The following RGL1 variants were observed in gnomAD, a reference collection of about 807,000 sequenced individuals.
The protein encoded by RGL1 is ral guanine nucleotide dissociation stimulator like 1.
Under a neutral mutation model 95.2 loss-of-function variants are expected in RGL1, and 24 were observed. That is an observed-to-expected ratio of 0.25 (90% CI 0.18 to 0.35). RGL1 has a LOEUF of 0.35. Ranked by LOEUF, RGL1 falls within the 10% of genes least tolerant of loss-of-function variation. The pLI is 1.00. For missense variants in RGL1, 715 were observed against 936.3 expected (o/e 0.76, Z 3.08); for synonymous variants, 329 against 344.9 (o/e 0.95, Z 0.51).
intron 1 of RGL1, among the ~76,000 whole-genome samples, chr1:183,712,603 G>A (rs1887246): frequency 6.6e-6 from 1 of 152,042 alleles, no homozygotes; most frequent in Admixed American, 6.5e-5. Context: ...GGTTTTGGAG[G>A]CTTGGCATGA....
chr1:183,648,163 C>A (rs143188677), intron 1 of RGL1: 1 of 1,614,068 alleles, frequency 6.2e-7, no homozygotes, highest in Non-Finnish European at 8.5e-7. Context: ...ACATGTGATC[C>A]TGAGACACCA....
chr1:183,811,235 C>A (rs74130638), intron 2 of RGL1, among the ~76,000 whole-genome samples: 8,434 of 152,092 alleles, frequency 0.055, 741 homozygotes, highest in African/African-American at 0.18. Context: ...ACGAACATTC[C>A]CCAGTGCCTT....
intron 1 of RGL1, among the ~76,000 whole-genome samples, chr1:183,643,952 G>C (rs1296380325): frequency 2.0e-5 from 3 of 152,158 alleles, no homozygotes; most frequent in Non-Finnish European, 4.4e-5. Flanking sequence ...TGTTTGGCAT[G>C]AGGTCCTGGG....
chr1:183,698,248 C>T (rs1235765796), intron 1 of RGL1, among the ~76,000 whole-genome samples: 4 of 152,224 alleles, frequency 2.6e-5, no homozygotes, highest in East Asian at 3.8e-4. Flanking sequence ...TCAGCCCTTG[C>T]GTTCTGTAAC....
chr1:183,684,662 G>T (rs1462452148), intron 1 of RGL1, among the ~76,000 whole-genome samples: 1 of 152,164 alleles, frequency 6.6e-6, no homozygotes, highest in African/African-American at 2.4e-5. Flanking sequence ...AGCTAGCTTG[G>T]TGTCTGCTCA....
At chr1:183,883,950 A>AGTGGC (rs2102647295) in intron 6 of RGL1, 40 bp downstream of exon 6, 1 of 1,607,614 alleles carries the variant, frequency 6.2e-7, no homozygotes, top group Admixed American at 1.7e-5. Context: ...TTTCACTTAA[A>AGTGGC]ACATAGGGGA....
intron 1 of RGL1, among the ~76,000 whole-genome samples, chr1:183,805,615 C>T (rs1012612119): frequency 6.6e-6 from 1 of 152,234 alleles, no homozygotes; most frequent in African/African-American, 2.4e-5. Context: ...CCGCGGAGCG[C>T]TTCTGCGTCC....
At chr1:183,826,046 ATC>A (rs1662828098) in intron 2 of RGL1, among the ~76,000 whole-genome samples, 1 of 133,604 alleles carries the variant, frequency 7.5e-6, no homozygotes, top group Non-Finnish European at 1.6e-5. Flanking sequence ...AACTCTCCCC[ATC>A]TCTGTCTCTC....
intron 1 of RGL1, among the ~76,000 whole-genome samples, chr1:183,708,024 G>A (rs1259634250): frequency 5.3e-5 from 8 of 152,160 alleles, no homozygotes; most frequent in East Asian, 1.9e-4. Flanking sequence ...TCCAGTTGTC[G>A]GCAATAATTG....
chr1:183,718,861 C>T (rs1025500053), intron 1 of RGL1, among the ~76,000 whole-genome samples: 8 of 151,568 alleles, frequency 5.3e-5, no homozygotes, highest in East Asian at 3.9e-4. Context: ...TGCAGTGAGC[C>T]GAGATCTTGC....
chr1:183,910,691 G>A (rs1668597306), intron 14 of RGL1, among the ~76,000 whole-genome samples: 1 of 152,128 alleles, frequency 6.6e-6, no homozygotes, highest in African/African-American at 2.4e-5. Context: ...CTTCAGATCT[G>A]TCATCTAGTT....
chr1:183,901,295 T>C (rs896383739), intron 11 of RGL1, among the ~76,000 whole-genome samples: 6 of 151,142 alleles, frequency 4.0e-5, no homozygotes, highest in Non-Finnish European at 8.8e-5. Context: ...CAAGACCCCA[T>C]CTCAAAAAAA....
intron 1 of RGL1, among the ~76,000 whole-genome samples, chr1:183,725,181 A>G (rs1656244533): frequency 6.6e-6 from 1 of 152,212 alleles, no homozygotes; most frequent in African/African-American, 2.4e-5. Flanking sequence ...TAATGCAGAT[A>G]CAGCTGCAGT....
intron 10 of RGL1, among the ~76,000 whole-genome samples, chr1:183,898,224 G>C (rs1558280646): frequency 1.3e-5 from 2 of 152,182 alleles, no homozygotes; most frequent in Non-Finnish European, 1.5e-5. Context: ...CTTAGAAGCT[G>C]CTCCACCTTG....
At position 183,821,453 on chromosome 1, in the gene RGL1, A is replaced by G. The variant is rs540298997; in HGVS notation, c.138+14968A>G. 2.6e-5 allele frequency among the ~76,000 whole-genome samples: 4 copies of G among 152,288 alleles called. No homozygotes were observed. In the East Asian group the frequency reaches 7.7e-4, roughly 29 times the overall value. On this transcript the variant is annotated intron_variant, in intron 2 of 17. Coordinates refer to ENST00000360851, the MANE Select transcript of RGL1 (RefSeq NM_001297671.3). The stretch of plus-strand genomic sequence containing the variant: ...GTAAAATGTATTTTTTCTTTTTACT[A>G]TGAATCATGGCTAAAAAGTTTGAAG...
intron 9 of RGL1, among the ~76,000 whole-genome samples, chr1:183,895,085 A>G (rs186078265): frequency 3.4e-4 from 52 of 152,324 alleles, no homozygotes; most frequent in African/African-American, 6.7e-4. Flanking sequence ...ACTGCTAGAA[A>G]GCCCCAGAAA....
At chr1:183,696,912 T>C (rs1450400465) in intron 1 of RGL1, among the ~76,000 whole-genome samples, 1 of 152,232 alleles carries the variant, frequency 6.6e-6, no homozygotes, top group East Asian at 1.9e-4. Context: ...CACATCATTC[T>C]CTAGAGCTTG....
intron 1 of RGL1, among the ~76,000 whole-genome samples, chr1:183,725,967 T>C (rs1209716391): frequency 6.6e-6 from 1 of 152,138 alleles, no homozygotes; most frequent in African/African-American, 2.4e-5. Context: ...GTATGTTTTC[T>C]GACTACAAGG....
rs1335661460 is a variant in RGL1 at position 183,674,462 on chromosome 1, CT to C, written c.-33+37963del. 5.9e-5 allele frequency among the ~76,000 whole-genome samples: 9 copies of C among 152,122 alleles called. No homozygotes were observed. In the East Asian group the frequency reaches 1.7e-3, roughly 29 times the overall value. On this transcript the variant is annotated intron_variant, in intron 1 of 18. Coordinates refer to the RGL1 transcript ENST00000304685. ...AACCAGCTGTGACTGGATTGTGGCT[CT>C]TGTAGTCCATGCAACCTTTTTACTC...
Sources: allele counts gnomAD v4.1 joint callset (sites outside exome capture counted in the v4.1 genomes callset), GRCh38; gene constraint gnomAD v4.1.1; transcripts MANE v1.5; gene names NCBI Gene and HGNC (gene_info 2026-07-23, HGNC 2026-07-21).